Variants in PHLPP1 observed in about 807,000 individuals in gnomAD.
The protein encoded by PHLPP1 is PH domain leucine-rich repeat-containing protein phosphatase 1.
In PHLPP1, 42 loss-of-function variants were observed where a neutral mutation model predicts 117.2. The observed-to-expected ratio is 0.36, with a 90% CI of 0.28 to 0.46. The LOEUF is 0.46. Ranked by LOEUF, PHLPP1 falls within the 20% of genes least tolerant of loss-of-function variation. The pLI is 1.00. For missense variants in PHLPP1, 2,084 were observed against 2,241.9 expected, an observed-to-expected ratio of 0.93 and a Z score of 1.42; for synonymous variants, 1,042 against 970.7, an observed-to-expected ratio of 1.07 and a Z score of -1.37.
intron 1 of PHLPP1, chr18:62,824,173 G>T (rs1914545238): frequency 2.2e-6 from 1 of 455,786 alleles, no homozygotes; most frequent in Non-Finnish European, 4.4e-6. Context: ...TGGAGCATCG[G>T]GAACTCTCTG....
chr18:62,840,953 G>A (rs1414406135), intron 3 of PHLPP1, among the ~76,000 whole-genome samples: 2 of 152,190 alleles, frequency 1.3e-5, no homozygotes, highest in Admixed American at 1.3e-4. Flanking sequence ...GCAGTGGCAC[G>A]ATCTTGGGTC....
chr18:62,936,163 A>T (rs1909961229), intron 10 of PHLPP1, among the ~76,000 whole-genome samples: 1 of 152,242 alleles, frequency 6.6e-6, no homozygotes, highest in African/African-American at 2.4e-5. Flanking sequence ...TGACGGGAGC[A>T]TGTCAAAGGA....
intron 6 of PHLPP1, among the ~76,000 whole-genome samples, chr18:62,898,037 T>TCC (rs1568154488): frequency 1.3e-5 from 2 of 152,198 alleles, no homozygotes; most frequent in Non-Finnish European, 2.9e-5. Flanking sequence ...CTCCTCTTTG[T>TCC]ACAAAGTGTG....
In PHLPP1 at chr18:62,810,661, T is replaced by C. The variant is rs1023946739; in HGVS notation, c.1577-19374T>C. ...AATATCTTACTATACCATTCATATGTTCTGACTCAGGTTGGCTGTGGGTAA... is the reference window on the plus strand; with the variant it reads ...AATATCTTACTATACCATTCATATGCTCTGACTCAGGTTGGCTGTGGGTAA... On this transcript the variant is annotated intron_variant, in intron 1 of 16. Coordinates refer to ENST00000262719, the MANE Select transcript of PHLPP1 (RefSeq NM_194449.4). 6.8e-4 allele frequency among the ~76,000 whole-genome samples: 103 copies of C among 152,284 alleles called. 1 individual carries two copies. Among genetic ancestry groups the C allele is most frequent in the African/African-American group, 2.4e-3 (101 of 41,546 alleles).
intron 1 of PHLPP1, among the ~76,000 whole-genome samples, chr18:62,828,976 A>C (rs909675020): frequency 6.6e-6 from 1 of 152,194 alleles, no homozygotes; most frequent in Admixed American, 6.5e-5. Context: ...CACTATGTTC[A>C]TGTCAATCAC....
chr18:62,933,653 A>C (rs1909885556), intron 10 of PHLPP1, among the ~76,000 whole-genome samples: 1 of 152,242 alleles, frequency 6.6e-6, no homozygotes, highest in South Asian at 2.1e-4. Context: ...CAAAGGATAC[A>C]AATCATAGAA....
intron 1 of PHLPP1, among the ~76,000 whole-genome samples, chr18:62,763,104 C>T (rs932651709): frequency 2.0e-5 from 3 of 152,154 alleles, no homozygotes; most frequent in Non-Finnish European, 4.4e-5. Context: ...AAATTTTCCC[C>T]GTATGACTCA....
intron 1 of PHLPP1, among the ~76,000 whole-genome samples, chr18:62,790,926 C>T (rs193256306): frequency 1.3e-5 from 2 of 152,188 alleles, no homozygotes; most frequent in Non-Finnish European, 2.9e-5. Flanking sequence ...TTTTGCAGCT[C>T]ATGAGTCTGG....
chr18:62,913,106 T>C (rs766557104), intron 8 of PHLPP1, among the ~76,000 whole-genome samples: 2 of 152,198 alleles, frequency 1.3e-5, no homozygotes, highest in Non-Finnish European at 2.9e-5. Flanking sequence ...GCCCAGAATC[T>C]TCACTATAAC....
chr18:62,783,218 C>CTTTTTTTTTTTTTT (rs528614480), intron 1 of PHLPP1, among the ~76,000 whole-genome samples: 3 of 132,152 alleles, frequency 2.3e-5, no homozygotes, highest in African/African-American at 8.3e-5. Flanking sequence ...ACAAGCCTTT[C>CTTTTTTTTTTTTTT]TTTTTTTTTT....
At chr18:62,813,690 A>G (rs1049546803) in intron 1 of PHLPP1, among the ~76,000 whole-genome samples, 1 of 152,124 alleles carries the variant, frequency 6.6e-6, no homozygotes, top group African/African-American at 2.4e-5. Context: ...GCCCAGAACT[A>G]TTGAATGAGA....
At chr18:62,822,881 C>T (rs1914507888) in intron 1 of PHLPP1, among the ~76,000 whole-genome samples, 1 of 152,162 alleles carries the variant, frequency 6.6e-6, no homozygotes, top group African/African-American at 2.4e-5. Context: ...AGTTTTATTG[C>T]AGGTACCAAG....
At chr18:62,745,315 C>T (rs904351627) in intron 1 of PHLPP1, among the ~76,000 whole-genome samples, 3 of 152,122 alleles carry the variant, frequency 2.0e-5, no homozygotes, top group African/African-American at 4.8e-5. Context: ...AAAGTAAACA[C>T]GTTACCAGTT....
chr18:62,934,736 C>T (rs180857005), intron 10 of PHLPP1, among the ~76,000 whole-genome samples: 70 of 152,290 alleles, frequency 4.6e-4, no homozygotes, highest in African/African-American at 1.7e-3. Context: ...TTGAACTTAA[C>T]TTACCCCCAA....
chr18:62,974,163 TA>T (rs1768035615), intron 15 of PHLPP1, among the ~76,000 whole-genome samples: 1 of 152,204 alleles, frequency 6.6e-6, no homozygotes, highest in African/African-American at 2.4e-5. Flanking sequence ...CTATACTTTT[TA>T]CAAATCACTG....
intron 4 of PHLPP1, among the ~76,000 whole-genome samples, chr18:62,869,527 T>C (rs1733818161): frequency 6.6e-6 from 1 of 152,218 alleles, no homozygotes; most frequent in South Asian, 2.1e-4. Flanking sequence ...ATCACTATCC[T>C]GACTTAGAAC....
chr18:62,731,776 G>A (rs1448610401), intron 1 of PHLPP1, among the ~76,000 whole-genome samples: 1 of 152,212 alleles, frequency 6.6e-6, no homozygotes, highest in African/African-American at 2.4e-5. Context: ...GTGAACACAT[G>A]AATTGTAAGA....
At chr18:62,857,201 A>G (rs750026914) in intron 3 of PHLPP1, among the ~76,000 whole-genome samples, 18 of 152,228 alleles carry the variant, frequency 1.2e-4, no homozygotes, top group Non-Finnish European at 2.6e-4. Context: ...GGCTTAAAAC[A>G]ATAGAAATTT....
chr18:62,781,750 A>G (rs1438406904), intron 1 of PHLPP1, among the ~76,000 whole-genome samples: 2 of 152,168 alleles, frequency 1.3e-5, no homozygotes, highest in African/African-American at 2.4e-5. Context: ...TCCAGTTTTA[A>G]TGCTGCATGT....
Sources: allele counts gnomAD v4.1 joint callset (sites outside exome capture counted in the v4.1 genomes callset), GRCh38; gene constraint gnomAD v4.1.1; transcripts MANE v1.5; gene names NCBI Gene and HGNC (gene_info 2026-07-23, HGNC 2026-07-21).